SORD: variants seen among roughly 807,000 people sequenced by gnomAD.
The protein encoded by SORD is sorbitol dehydrogenase.
A neutral mutation model predicts 35.6 loss-of-function variants in SORD; 18 were observed. The ratio of observed to expected loss-of-function variants is 0.51; its 90% CI spans 0.35 to 0.75. SORD has a LOEUF of 0.75. Among genes scored for constraint, SORD ranks in the 30% least tolerant of loss-of-function variants. SORD has a pLI of 0.01. For synonymous variants in SORD, 106 were observed against 152.9 expected (o/e 0.69, Z 2.26); for missense variants, 250 against 390.2 (o/e 0.64, Z 3.03).
At chr15:45,023,558 G>A (rs1892623549) in intron 1 of SORD, among the ~76,000 whole-genome samples, 1 of 152,222 alleles carries the variant, frequency 6.6e-6, no homozygotes, top group Non-Finnish European at 1.5e-5. Flanking sequence ...TGTGCCTCCC[G>A]GAACCTAGCC....
chr15:45,059,192 G>A (rs1893262768), intron 3 of SORD, among the ~76,000 whole-genome samples: 1 of 152,044 alleles, frequency 6.6e-6, no homozygotes, highest in South Asian at 2.1e-4. Context: ...CTAACTGTCT[G>A]CCTGCTTTTT....
At chr15:45,051,808 ACT>A (rs201604111) in intron 3 of SORD, among the ~76,000 whole-genome samples, 2 of 152,180 alleles carry the variant, frequency 1.3e-5, no homozygotes, top group East Asian at 1.9e-4. Flanking sequence ...ACCTTTTATA[ACT>A]CTCTACAAAT....
chr15:45,025,726 G>C (rs1158489781), intron 1 of SORD, among the ~76,000 whole-genome samples: 3 of 152,094 alleles, frequency 2.0e-5, no homozygotes, highest in African/African-American at 7.2e-5. Context: ...TACTATCAGG[G>C]GTGGAAATGT....
At chr15:45,035,036 G>C (rs1390317795) in intron 1 of SORD, among the ~76,000 whole-genome samples, 4 of 152,154 alleles carry the variant, frequency 2.6e-5, no homozygotes, top group African/African-American at 9.7e-5. Flanking sequence ...CCGGCGCTGC[G>C]CTCGATTTCT....
At chr15:45,053,319 C>T (rs1893158949) in intron 3 of SORD, among the ~76,000 whole-genome samples, 1 of 152,186 alleles carries the variant, frequency 6.6e-6, no homozygotes, top group Admixed American at 6.5e-5. Flanking sequence ...CAGAGAAAGC[C>T]TGCTGTCTTC....
At chr15:45,040,153 A>G (rs1319356855) in intron 1 of SORD, among the ~76,000 whole-genome samples, 2 of 151,666 alleles carry the variant, frequency 1.3e-5, no homozygotes, top group African/African-American at 2.4e-5. Context: ...ATGCTCTATG[A>G]GTATGCTGGG....
chr15:45,071,173 C>T lies in SORD; in HGVS notation c.787-1144C>T, dbSNP rs137964349. 4.7e-4 allele frequency among the ~76,000 whole-genome samples: 71 copies of T among 152,266 alleles called. 2 individuals are homozygous for T. The East Asian group carries it at 0.012, about 27-fold the overall frequency. On this transcript the variant is annotated intron_variant, in intron 7 of 8. Transcript: ENST00000267814. ...GATGCCATACCTACAGGATAGTGTC[C>T]AGGTGGTTCCAGCATTCCTTGACCT...
chr15:45,054,532 A>G (rs1469468278), intron 3 of SORD, among the ~76,000 whole-genome samples: 1 of 152,184 alleles, frequency 6.6e-6, no homozygotes, highest in Non-Finnish European at 1.5e-5. Flanking sequence ...TTCATTGTAG[A>G]TGCTGGATAT....
At chr15:45,038,435 G>T (rs1396577422) in intron 1 of SORD, among the ~76,000 whole-genome samples, 1 of 152,158 alleles carries the variant, frequency 6.6e-6, no homozygotes, top group African/African-American at 2.4e-5. Context: ...AAGCCATTGA[G>T]CAATGTCAGC....
chr15:45,065,371 G>A lies in SORD; in HGVS notation c.526G>A (p.Val176Ile), dbSNP rs1893388493. Residue 176 changes from valine to isoleucine, a missense_variant, in exon 5 of 9, where the codon GTC becomes ATC. Val to Ile is a conservative substitution (Grantham distance 29). Around this residue, in one of 8 missense-constraint regions of SORD, gnomAD observed 126 missense variants for 148.7 expected, o/e 0.85. Transcript: ENST00000267814. ...RRGGVTLGHK[V>I]LVCGAGPIGM... ...AGGCGGAGTTACCCTGGGACACAAG[G>A]TCCTTGTGTGTGGAGCTGGTAAGAA... 1 of 1,608,768 alleles carries A rather than the reference G, an allele frequency of 6.2e-7. No individual in the cohort carries two copies. The highest frequency in any genetic ancestry group is 8.5e-7 in the Non-Finnish European group (1 of 1,178,462).
intron 3 of SORD, among the ~76,000 whole-genome samples, chr15:45,048,201 T>C (rs1444369715): frequency 6.6e-6 from 1 of 152,220 alleles, no homozygotes; most frequent in Non-Finnish European, 1.5e-5. Flanking sequence ...ACTTGTCACA[T>C]TCCAGGGGAA....
chr15:45,047,338 A>G (rs1217537541), intron 3 of SORD: 1 of 151,814 alleles, frequency 6.6e-6, no homozygotes, highest in Non-Finnish European at 1.5e-5. Flanking sequence ...TAAAGGCCAG[A>G]CCTTCCATGG....
intron 4 of SORD, among the ~76,000 whole-genome samples, chr15:45,062,111 G>A (rs77708454): frequency 0.046 from 6,861 of 150,234 alleles, 56 homozygotes; most frequent in African/African-American, 0.14. Flanking sequence ...CTATGTGCCT[G>A]CCCTTGTGCT....
chr15:45,025,677 G>A (rs1391494443), intron 1 of SORD, among the ~76,000 whole-genome samples: 2 of 150,762 alleles, frequency 1.3e-5, no homozygotes, highest in Non-Finnish European at 3.0e-5. Context: ...AGGTGCCTTT[G>A]AGAAATTTCC....
chr15:45,069,355 T>TGCCAC (rs1893472087), intron 7 of SORD, among the ~76,000 whole-genome samples: 1 of 151,894 alleles, frequency 6.6e-6, no homozygotes, highest in African/African-American at 2.4e-5. Context: ...TACGGGCGCC[T>TGCCAC]GCCACCATGC....
chr15:45,039,913 A>G (rs1185276514), intron 1 of SORD, among the ~76,000 whole-genome samples: 5 of 152,226 alleles, frequency 3.3e-5, no homozygotes, highest in African/African-American at 1.2e-4. Flanking sequence ...TAGATGGCAG[A>G]TCTAGAAACC....
chr15:45,030,826 G>A (rs548278497), intron 1 of SORD, among the ~76,000 whole-genome samples: 1 of 152,322 alleles, frequency 6.6e-6, no homozygotes, highest in East Asian at 1.9e-4. Context: ...GGTGAGGACA[G>A]GGGAGGCTTC....
intron 3 of SORD, among the ~76,000 whole-genome samples, chr15:45,055,242 T>A (rs997203603): frequency 6.6e-6 from 1 of 151,962 alleles, no homozygotes; most frequent in African/African-American, 2.4e-5. Context: ...TGGGCAGTGC[T>A]AGCAAGACTA....
chr15:45,061,663 C>T lies in SORD; in HGVS notation c.425+437C>T, dbSNP rs138018407. On this transcript the variant is annotated intron_variant, in intron 4 of 8. Transcript: ENST00000267814. ...CCAGTGGATCATGAGATTAGGAGAT[C>T]GAGACCTTCCTGGCTAACACGGTGA... 7.8e-4 allele frequency among the ~76,000 whole-genome samples: 119 copies of T among 151,868 alleles called. 1 individual carries two copies. The East Asian group carries it at 0.012, about 15-fold the overall frequency.
Sources: gnomAD v4.1 joint callset for allele counts (sites outside exome capture counted in the v4.1 genomes callset) on GRCh38, gnomAD v4.1.1 for gene constraint, gnomAD v4.1.1 regional missense constraint, MANE v1.5 for transcripts, NCBI Gene and HGNC (gene_info 2026-07-23, HGNC 2026-07-21) for gene names.